DHX57: variants seen among roughly 807,000 people sequenced by gnomAD.
The protein encoded by DHX57 is DExH-box helicase 57.
In DHX57, 105 loss-of-function variants were observed where a neutral mutation model predicts 156.2. The observed-to-expected ratio is 0.67, with a 90% CI of 0.57 to 0.79. DHX57 has a LOEUF of 0.79. DHX57 is among the 30% of genes least tolerant of loss of function. The pLI is 0.00. For missense variants in DHX57, 1,847 were observed against 1,661.9 expected, an observed-to-expected ratio of 1.11 and a Z score of -1.94; for synonymous variants, 704 against 595.6, an observed-to-expected ratio of 1.18 and a Z score of -2.65.
At chr2:38,852,853 C>T (rs1208610189) in intron 9 of DHX57, among the ~76,000 whole-genome samples, 4 of 152,052 alleles carry the variant, frequency 2.6e-5, no homozygotes, top group East Asian at 1.9e-4. Context: ...CTTTATTATT[C>T]GTGGTGCTTA....
intron 12 of DHX57, among the ~76,000 whole-genome samples, chr2:38,840,101 A>G (rs774545124): frequency 3.9e-5 from 6 of 152,060 alleles, no homozygotes; most frequent in Non-Finnish European, 7.4e-5. Flanking sequence ...GCACACCACC[A>G]CACCAGCTAA....
chr2:38,845,866 T>A (rs1452260934), intron 11 of DHX57, among the ~76,000 whole-genome samples: 3 of 62,216 alleles, frequency 4.8e-5, no homozygotes, highest in Non-Finnish European at 7.3e-5. Flanking sequence ...AATAGCTAAC[T>A]TTTTTTTTTT....
At chr2:38,873,061 C>A (rs531412718) in intron 1 of DHX57, among the ~76,000 whole-genome samples, 1 of 151,962 alleles carries the variant, frequency 6.6e-6, no homozygotes, top group African/African-American at 2.4e-5. Context: ...AATCTTGGCT[C>A]ACAGCAACCT....
In DHX57 at chr2:38,856,352, C is replaced by G; in HGVS notation, c.1697G>C (p.Ser566Thr). ...LLRKHQVVVI[S>T]GMTGCGKTTQ... Reference sequence around the variant, plus strand: ...ACTGCATTCTTACCCAGTCATACCACTTATGACAACCACCTGGTGCTTACG... The same window carrying G: ...ACTGCATTCTTACCCAGTCATACCAGTTATGACAACCACCTGGTGCTTACG... The change falls in exon 7 of 24, where the codon AGT (serine) becomes ACT (threonine). Residue 566 changes from serine to threonine, a missense_variant. Ser to Thr is a moderately conservative substitution (Grantham distance 58). Transcript: ENST00000457308. The G allele has an allele frequency of 2.5e-6, 4 of 1,610,988 alleles. No homozygotes were observed. The highest frequency in any genetic ancestry group is 3.4e-6 in the Non-Finnish European group (4 of 1,179,232).
At chr2:38,849,547 TAA>T (rs10574818) in intron 9 of DHX57, among the ~76,000 whole-genome samples, 87,871 of 150,612 alleles carry the variant, frequency 0.58, 26,666 homozygotes, top group East Asian at 0.87. Context: ...CCCCATCTCT[TAA>T]AAAAAAAAAA....
At chr2:38,826,424 C>T (rs1179069743) in intron 15 of DHX57, 92 bp downstream of exon 15, 15 of 1,401,114 alleles carry the variant, frequency 1.1e-5, no homozygotes, top group South Asian at 6.8e-5. Flanking sequence ...TACAGTAATC[C>T]GTGTAGCTTA....
At chr2:38,857,614 A>C (rs1672967902) in intron 6 of DHX57, among the ~76,000 whole-genome samples, 1 of 152,230 alleles carries the variant, frequency 6.6e-6, no homozygotes, top group Non-Finnish European at 1.5e-5. Flanking sequence ...ACAGAACTTT[A>C]GAACTGGAGG....
intron 13 of DHX57, among the ~76,000 whole-genome samples, chr2:38,835,892 T>C (rs531399258): frequency 6.6e-6 from 1 of 152,182 alleles, no homozygotes; most frequent in Non-Finnish European, 1.5e-5. Flanking sequence ...GGGGAGATGG[T>C]GGCAGTGGTG....
At chr2:38,803,954 G>T (rs569096733) in intron 22 of DHX57, among the ~76,000 whole-genome samples, 158 of 151,768 alleles carry the variant, frequency 1.0e-3, no homozygotes, top group African/African-American at 3.6e-3. Flanking sequence ...GCGAATTTTT[G>T]TATTTTTAGT....
chr2:38,875,137 A>C (rs996696815), intron 1 of DHX57, among the ~76,000 whole-genome samples: 1 of 152,202 alleles, frequency 6.6e-6, no homozygotes, highest in Non-Finnish European at 1.5e-5. Context: ...AATGGTGTCC[A>C]ATACCACTCT....
intron 13 of DHX57, among the ~76,000 whole-genome samples, chr2:38,830,490 T>A (rs532376853): frequency 6.6e-6 from 1 of 152,046 alleles, no homozygotes; most frequent in Admixed American, 6.6e-5. Context: ...TAGCCTGGCA[T>A]GGTGGTGCAT....
intron 11 of DHX57, 22 bp downstream of exon 11, chr2:38,846,997 T>C (rs1394350968): frequency 4.4e-6 from 7 of 1,602,100 alleles, no homozygotes; most frequent in African/African-American, 4.0e-5. Context: ...TTTCACTGAA[T>C]CTTAATTAAT....
At chr2:38,867,147 C>A (rs890337182) in intron 2 of DHX57, 1 of 152,158 alleles carries the variant, frequency 6.6e-6, no homozygotes, top group Admixed American at 6.5e-5. Flanking sequence ...AGTACAGCAA[C>A]ATGCTGTATA....
intron 16 of DHX57, among the ~76,000 whole-genome samples, chr2:38,823,781 G>T (rs574516607): frequency 6.6e-6 from 1 of 152,328 alleles, no homozygotes; most frequent in Admixed American, 6.5e-5. Flanking sequence ...GGAGGCCGAG[G>T]TAGGTGGATC....
chr2:38,868,219 C>G lies in DHX57; in HGVS notation c.187G>C (p.Asp63His). The change falls in exon 2 of 24, where the codon GAC (aspartate) becomes CAC (histidine). Residue 63 changes from aspartate (D) to histidine (H), a missense_variant. Asp to His is a moderately conservative substitution (Grantham distance 81, BLOSUM62 -1). Transcript: ENST00000457308. Reference protein sequence around the residue: ...ASSRIWDDGDDFCIFSESRRP... With the variant: ...ASSRIWDDGDHFCIFSESRRP... ...CTTGATTCACTGAAGATACAAAAGT[C>G]ATCTCCATCATCCCATATTCTACTG... 2 of 1,614,116 alleles carry G rather than the reference C, an allele frequency of 1.2e-6. No homozygotes were observed. Among genetic ancestry groups the G allele is most frequent in the Non-Finnish European group, 1.7e-6 (2 of 1,180,036 alleles).
intron 5 of DHX57, among the ~76,000 whole-genome samples, chr2:38,859,801 C>T (rs1453005488): frequency 1.4e-5 from 2 of 145,912 alleles, no homozygotes; most frequent in Admixed American, 7.2e-5. Context: ...TAGATGGCAA[C>T]CAATAAAAGA....
At chr2:38,851,477 TCCC>T (rs1331990610) in intron 9 of DHX57, among the ~76,000 whole-genome samples, 1 of 152,222 alleles carries the variant, frequency 6.6e-6, no homozygotes, top group African/African-American at 2.4e-5. Context: ...TAGCAAATAT[TCCC>T]CTACTTTTCC....
intron 13 of DHX57, among the ~76,000 whole-genome samples, chr2:38,836,046 G>A (rs978596991): frequency 3.3e-5 from 5 of 152,218 alleles, no homozygotes; most frequent in Non-Finnish European, 7.3e-5. Context: ...AGAAGCAGCA[G>A]TGCCAGCAAA....
intron 3 of DHX57, chr2:38,862,933 C>T (rs556506889): frequency 5.1e-5 from 8 of 156,748 alleles, no homozygotes; most frequent in South Asian, 2.0e-4. Flanking sequence ...GCAAAAGAGC[C>T]GAAATGCAGT....
Sources: allele counts gnomAD v4.1 joint callset (sites outside exome capture counted in the v4.1 genomes callset), GRCh38; gene constraint gnomAD v4.1.1; transcripts MANE v1.5; gene names NCBI Gene and HGNC (gene_info 2026-07-23, HGNC 2026-07-21).